TBX19: variants seen among roughly 807,000 people sequenced by gnomAD.
TBX19 encodes the protein T-box transcription factor 19.
In TBX19, 33 loss-of-function variants were observed where a neutral mutation model predicts 40.9. The observed-to-expected ratio is 0.81, with a 90% CI of 0.61 to 1.08. The LOEUF (loss-of-function observed/expected upper bound fraction) is 1.08. Ranked by LOEUF, TBX19 falls within the 50% of genes least tolerant of loss-of-function variation. The pLI is 0.00. For missense variants in TBX19, 494 were observed against 574.0 expected, an observed-to-expected ratio of 0.86 and a Z score of 1.42; for synonymous variants, 220 against 225.0, an observed-to-expected ratio of 0.98 and a Z score of 0.20.
chr1:168,295,213 C>T lies in TBX19; in HGVS notation c.603+1935C>T, dbSNP rs181797821. Among the ~76,000 whole-genome samples, 359 of 151,958 alleles carry T rather than the reference C, an allele frequency of 2.4e-3. 2 individuals carry two copies. Among genetic ancestry groups the T allele is most frequent in the Non-Finnish European group, 3.5e-3 (237 of 67,956 alleles). On this transcript the variant is annotated intron_variant, in intron 3 of 7. Transcript: ENST00000367821. ...GGCTGAGGCAGGAGAATTGCTTGAACCTGGGAGGCGGAGGTTGCAGTGAGC... is the reference window on the plus strand; with the variant it reads ...GGCTGAGGCAGGAGAATTGCTTGAATCTGGGAGGCGGAGGTTGCAGTGAGC...
chr1:168,284,788 A>T (rs1415331025), intron 1 of TBX19, among the ~76,000 whole-genome samples: 1 of 151,502 alleles, frequency 6.6e-6, no homozygotes, highest in Non-Finnish European at 1.5e-5. Flanking sequence ...AAAAAAAAAA[A>T]AAAAATCAAA....
intron 7 of TBX19, among the ~76,000 whole-genome samples, chr1:168,311,895 C>G (rs1649533191): frequency 1.3e-5 from 2 of 152,128 alleles, no homozygotes; most frequent in African/African-American, 4.8e-5. Context: ...ATCAGAATCT[C>G]TGGGGCAGGG....
intron 2 of TBX19, among the ~76,000 whole-genome samples, chr1:168,292,591 G>A (rs550271962): frequency 2.0e-4 from 30 of 152,188 alleles, no homozygotes; most frequent in Non-Finnish European, 3.4e-4. Flanking sequence ...TCAGCCGGGC[G>A]CGGTGGCTCG....
chr1:168,308,677 T>TCA, intron 6 of TBX19, 65 bp from the exon 7 acceptor site: 1 of 1,608,900 alleles, frequency 6.2e-7, no homozygotes, highest in Non-Finnish European at 8.5e-7. Context: ...TAGGATAATG[T>TCA]CACTGGTCAC....
chr1:168,308,184 G>T, intron 6 of TBX19: 1 of 151,612 alleles, frequency 6.6e-6, no homozygotes. Flanking sequence ...GTCTCTCTGT[G>T]TTGCCCAGAG....
chr1:168,293,089 C>T, intron 2 of TBX19, 55 bp from the exon 3 acceptor site: 5 of 1,607,274 alleles, frequency 3.1e-6, no homozygotes, highest in Non-Finnish European at 4.2e-6. Flanking sequence ...TCCTTTATCA[C>T]CTGCGATACA....
intron 1 of TBX19, among the ~76,000 whole-genome samples, chr1:168,285,219 G>C (rs1648775030): frequency 6.6e-6 from 1 of 150,766 alleles, no homozygotes; most frequent in Admixed American, 6.6e-5. Context: ...TCTTATGCCT[G>C]CTCACCTTCA....
rs146258497 is a variant in TBX19 at position 168,300,367 on chromosome 1, A to C, written c.666-55A>C. On this transcript the variant is annotated intron_variant, in intron 4 of 7. Transcript: ENST00000367821. ...AAGGAGAATTTTGGGTATGCTTTAT[A>C]GTGGACATACATAAAAAGTTGGACA... 1.3e-5 allele frequency: 20 copies of C among 1,541,024 alleles called. No homozygotes were observed. The East Asian group carries it at 4.3e-4, about 33-fold the overall frequency.
At chr1:168,305,706 T>C (rs1332119259) in intron 6 of TBX19, among the ~76,000 whole-genome samples, 1 of 152,238 alleles carries the variant, frequency 6.6e-6, no homozygotes, top group East Asian at 1.9e-4. Flanking sequence ...AACCTTAGTA[T>C]TTTAAAATAA....
intron 1 of TBX19, among the ~76,000 whole-genome samples, chr1:168,282,217 G>C (rs1223418547): frequency 6.6e-6 from 1 of 152,168 alleles, no homozygotes; most frequent in African/African-American, 2.4e-5. Flanking sequence ...ACACCCTCGA[G>C]AGAATTCTGA....
At chr1:168,296,258 C>T (rs1278018716) in intron 3 of TBX19, among the ~76,000 whole-genome samples, 1 of 152,164 alleles carries the variant, frequency 6.6e-6, no homozygotes, top group African/African-American at 2.4e-5. Flanking sequence ...TTTCCTCTTT[C>T]TCCTGATTTC....
intron 5 of TBX19, among the ~76,000 whole-genome samples, chr1:168,303,815 A>G (rs1444451234): frequency 6.6e-6 from 1 of 152,264 alleles, no homozygotes; most frequent in Admixed American, 6.5e-5. Flanking sequence ...TTGCCATGGC[A>G]TTTGTAAACT....
chr1:168,311,546 A>G (rs1313703089), intron 7 of TBX19, among the ~76,000 whole-genome samples: 1 of 152,190 alleles, frequency 6.6e-6, no homozygotes, highest in Non-Finnish European at 1.5e-5. Flanking sequence ...TAGCATTGAA[A>G]AATGGCACCA....
At chr1:168,283,480 C>T (rs576627271) in intron 1 of TBX19, among the ~76,000 whole-genome samples, 149 of 152,274 alleles carry the variant, frequency 9.8e-4, no homozygotes, top group Middle Eastern at 3.4e-3. Context: ...TTACCCCCAA[C>T]CTCTTAGTTT....
At position 168,287,970 on chromosome 1, in the gene TBX19, T is replaced by C. The variant is rs150937329; in HGVS notation, c.204-3190T>C. Among the ~76,000 whole-genome samples, 716 of 152,016 alleles carry C rather than the reference T, an allele frequency of 4.7e-3. 20 individuals carry two copies. The highest frequency in any genetic ancestry group is 0.037 in the Admixed American group (567 of 15,274). On this transcript the variant is annotated intron_variant, in intron 1 of 7. Coordinates refer to ENST00000367821, the MANE Select transcript of TBX19 (RefSeq NM_005149.3). Reference sequence around the variant, plus strand: ...AGTCCCAGTTTCCTCATCTATAAAATTGGCATAATAACCTCCTTGTGGGTG... The same window carrying C: ...AGTCCCAGTTTCCTCATCTATAAAACTGGCATAATAACCTCCTTGTGGGTG...
chr1:168,284,698 C>CT (rs1164674991), intron 1 of TBX19, among the ~76,000 whole-genome samples: 1 of 148,104 alleles, frequency 6.8e-6, no homozygotes, highest in Non-Finnish European at 1.5e-5. Flanking sequence ...TCACCTGACC[C>CT]TGGGGAGGTC....
At chr1:168,306,490 G>T (rs1649406591) in intron 6 of TBX19, among the ~76,000 whole-genome samples, 1 of 152,070 alleles carries the variant, frequency 6.6e-6, no homozygotes. Flanking sequence ...GCCAGGCGTG[G>T]TCGTTGGCGC....
At chr1:168,306,417 G>T (rs185922715) in intron 6 of TBX19, among the ~76,000 whole-genome samples, 4 of 152,134 alleles carry the variant, frequency 2.6e-5, no homozygotes, top group Admixed American at 2.0e-4. Flanking sequence ...CACAAGATCA[G>T]GAGTTCGAGA....
chr1:168,291,281 G>C lies in TBX19; in HGVS notation c.325G>C (p.Val109Leu). 2 of 1,614,196 alleles carry C rather than the reference G, an allele frequency of 1.2e-6. No individual in the cohort carries two copies. The highest frequency in any genetic ancestry group is 2.2e-5 in the East Asian group (1 of 44,882). The change falls in exon 2 of 8, where the codon GTG becomes CTG. Residue 109 changes from valine (V) to leucine (L), a missense_variant. Val to Leu is a conservative substitution (Grantham distance 32, BLOSUM62 1). This residue lies in a region of TBX19 where 201 missense variants were observed against 235.2 expected (regional missense o/e 0.85). Transcript: ENST00000367821. ...HRWKYVNGEWVPAGKPEVSSH... is the reference protein window; with the variant it reads ...HRWKYVNGEWLPAGKPEVSSH... ...CTGGAAGTACGTCAACGGGGAATGGGTGCCCGCTGGCAAGCCAGAGGTCTC... is the reference window on the plus strand; with the variant it reads ...CTGGAAGTACGTCAACGGGGAATGGCTGCCCGCTGGCAAGCCAGAGGTCTC...
Sources: allele counts gnomAD v4.1 joint callset (sites outside exome capture counted in the v4.1 genomes callset), GRCh38; gene constraint gnomAD v4.1.1; regional missense constraint gnomAD v4.1.1; transcripts MANE v1.5; gene names NCBI Gene and HGNC (gene_info 2026-07-23, HGNC 2026-07-21).